Variants in NR6A1 observed in about 807,000 individuals in gnomAD.
NR6A1 encodes the protein nuclear receptor subfamily 6 group A member 1.
NR6A1 carries 7 observed loss-of-function variants against 59.1 expected under a neutral mutation model. The observed-to-expected ratio is 0.12, with a 90% confidence interval of 0.07 to 0.22. The LOEUF (loss-of-function observed/expected upper bound fraction) is 0.22, where lower values mean the gene tolerates loss of function less well. NR6A1 is among the 10% of genes least tolerant of loss of function. The pLI is 1.00. For missense variants in NR6A1, 468 were observed against 611.6 expected (o/e 0.77, Z 2.48); for synonymous variants, 243 against 236.1 (o/e 1.03, Z -0.27).
At chr9:124,591,675 G>A (rs1835129024) in intron 2 of NR6A1, among the ~76,000 whole-genome samples, 1 of 152,124 alleles carries the variant, frequency 6.6e-6, no homozygotes, top group South Asian at 2.1e-4. Flanking sequence ...TTAATGCAAG[G>A]TCCTTGGATC....
At chr9:124,533,078 C>A (rs535801262) in intron 7 of NR6A1, among the ~76,000 whole-genome samples, 58 of 152,302 alleles carry the variant, frequency 3.8e-4, no homozygotes, top group African/African-American at 1.3e-3. Context: ...GCCAGTGACC[C>A]CTGCCTGCCT....
intron 2 of NR6A1, among the ~76,000 whole-genome samples, chr9:124,559,437 C>CT (rs1010499407): frequency 2.6e-5 from 4 of 152,190 alleles, no homozygotes; most frequent in Non-Finnish European, 5.9e-5. Context: ...AATGTACAAT[C>CT]TAACCTAGCT....
Position 124,700,935 on chromosome 9 carries a change from A to T in NR6A1, c.142+32373T>A, listed in dbSNP as rs541335973. On this transcript the variant is annotated intron_variant, in intron 2 of 9. Transcript: ENST00000487099. ...GCCAACGCACCCAGCTAATTTTTGTATTTTTAGTAGAGAAGGGGTTTCTCC... is the reference window on the plus strand; with the variant it reads ...GCCAACGCACCCAGCTAATTTTTGTTTTTTTAGTAGAGAAGGGGTTTCTCC... Among the ~76,000 whole-genome samples the T allele has an allele frequency of 5.3e-5, 8 of 151,044 alleles. No homozygotes were observed. In the East Asian group the frequency reaches 1.6e-3, roughly 30 times the overall value.
intron 3 of NR6A1, among the ~76,000 whole-genome samples, chr9:124,544,360 T>C (rs550253204): frequency 9.9e-5 from 15 of 152,142 alleles, no homozygotes; most frequent in African/African-American, 3.4e-4. Context: ...ACCTGTGTAG[T>C]CGAAGGAACT....
chr9:124,681,975 TTTTTG>T (rs528560838), intron 2 of NR6A1, among the ~76,000 whole-genome samples: 1,584 of 151,854 alleles, frequency 0.01, 27 homozygotes, highest in African/African-American at 0.036. Context: ...AACCTTTGTT[TTTTTG>T]TTTTGTTTTG....
chr9:124,698,923 G>A (rs776843587), intron 2 of NR6A1, among the ~76,000 whole-genome samples: 7 of 152,002 alleles, frequency 4.6e-5, no homozygotes, highest in Non-Finnish European at 8.8e-5. Context: ...AATCAAAATC[G>A]TATGCCCTTT....
At chr9:124,681,479 C>T (rs1339695820) in intron 2 of NR6A1, among the ~76,000 whole-genome samples, 1 of 151,516 alleles carries the variant, frequency 6.6e-6, no homozygotes, top group Non-Finnish European at 1.5e-5. Flanking sequence ...GTAGCTGGGA[C>T]TACAGGTGCA....
intron 7 of NR6A1, among the ~76,000 whole-genome samples, chr9:124,528,310 T>C (rs1380158084): frequency 6.6e-6 from 1 of 152,214 alleles, no homozygotes; most frequent in Non-Finnish European, 1.5e-5. Flanking sequence ...ACTAGTTCTC[T>C]GTATCCATGG....
chr9:124,670,970 C>T (rs2130967025), intron 2 of NR6A1, among the ~76,000 whole-genome samples: 1 of 152,246 alleles, frequency 6.6e-6, no homozygotes. Flanking sequence ...TCACATACTA[C>T]AACATAAGTG....
chr9:124,622,949 C>T (rs1836121796), intron 2 of NR6A1, among the ~76,000 whole-genome samples: 1 of 152,090 alleles, frequency 6.6e-6, no homozygotes, highest in Admixed American at 6.5e-5. Context: ...TGGGGTCCCT[C>T]AGAAGACTCA....
intron 1 of NR6A1, among the ~76,000 whole-genome samples, chr9:124,764,751 C>T (rs1251605563): frequency 6.6e-6 from 1 of 152,178 alleles, no homozygotes; most frequent in Non-Finnish European, 1.5e-5. Flanking sequence ...TCACTATTAC[C>T]AAATTTTTAA....
At chr9:124,659,228 T>G (rs1837349859) in intron 2 of NR6A1, among the ~76,000 whole-genome samples, 1 of 134,656 alleles carries the variant, frequency 7.4e-6, no homozygotes, top group African/African-American at 2.8e-5. Context: ...CAGACAGTCC[T>G]GGCCGTTCGA....
At chr9:124,657,174 G>A (rs949833991) in intron 2 of NR6A1, among the ~76,000 whole-genome samples, 5 of 152,096 alleles carry the variant, frequency 3.3e-5, no homozygotes, top group Non-Finnish European at 1.5e-5. Flanking sequence ...ATCTAATAGT[G>A]CATCAAAACA....
chr9:124,771,263 C>G lies in NR6A1; in HGVS notation c.-144G>C, dbSNP rs765024939. 1 of 422,782 alleles carries G rather than the reference C, an allele frequency of 2.4e-6. No homozygotes were observed. The highest frequency in any genetic ancestry group is 4.0e-6 in the Non-Finnish European group (1 of 249,854). The allele number at this position is 422,782 out of a possible 1,614,324, so 26.2% of individuals were successfully genotyped here. ...CGGCTCTCTCTGGGCCCCGAGCCGC[C>G]CGGCTCCGCGCCGCTCCGCGCCCCT... On this transcript the variant is annotated 5_prime_UTR_variant, in exon 1 of 10. Coordinates refer to ENST00000487099, the MANE Select transcript of NR6A1 (RefSeq NM_033334.4).
At chr9:124,714,970 C>T (rs887991399) in intron 2 of NR6A1, among the ~76,000 whole-genome samples, 7 of 151,788 alleles carry the variant, frequency 4.6e-5, no homozygotes, top group Admixed American at 2.0e-4. Flanking sequence ...GAGGCCGAGG[C>T]GGGCAGTTCA....
intron 2 of NR6A1, among the ~76,000 whole-genome samples, chr9:124,612,076 G>C (rs1322594906): frequency 6.6e-6 from 1 of 152,224 alleles, no homozygotes; most frequent in Non-Finnish European, 1.5e-5. Context: ...GTTTCCCAGA[G>C]AAAGTGATAG....
At chr9:124,719,989 G>A (rs1223633843) in intron 2 of NR6A1, among the ~76,000 whole-genome samples, 1 of 141,494 alleles carries the variant, frequency 7.1e-6, no homozygotes, top group African/African-American at 3.2e-5. Context: ...TGAGCTCAAT[G>A]TTAGATATTA....
chr9:124,659,286 CG>C (rs972573635), intron 2 of NR6A1, among the ~76,000 whole-genome samples: 9 of 106,466 alleles, frequency 8.5e-5, no homozygotes, highest in Non-Finnish European at 1.5e-4. Flanking sequence ...GGGGCGGGAG[CG>C]GGGGGGCGGG....
At chr9:124,613,525 G>A (rs1835811722) in intron 2 of NR6A1, among the ~76,000 whole-genome samples, 1 of 152,160 alleles carries the variant, frequency 6.6e-6, no homozygotes, top group South Asian at 2.1e-4. Context: ...GCCAGGCATG[G>A]TGCCACACAC....
Sources: gnomAD v4.1 joint callset for allele counts (sites outside exome capture counted in the v4.1 genomes callset) on GRCh38, gnomAD v4.1.1 for gene constraint, MANE v1.5 for transcripts, NCBI Gene and HGNC (gene_info 2026-07-23, HGNC 2026-07-21) for gene names.